Variants in SNCB observed in about 807,000 individuals in gnomAD.
SNCB encodes synuclein beta.
In SNCB, 8 loss-of-function variants were observed where a neutral mutation model predicts 20.0. The observed-to-expected ratio is 0.40, with a 90% CI of 0.24 to 0.72. SNCB has a LOEUF of 0.72. Among genes scored for constraint, SNCB ranks in the 30% least tolerant of loss-of-function variants. The probability of loss-of-function intolerance (pLI) is 0.37; values close to 1 mark genes in which losing one functional copy is unlikely to be tolerated. For missense variants in SNCB, 125 were observed against 168.0 expected, an observed-to-expected ratio of 0.74 and a Z score of 1.41; for synonymous variants, 56 against 65.4, an observed-to-expected ratio of 0.86 and a Z score of 0.69.
chr5:176,620,975 G>A lies in SNCB; in HGVS notation c.373-132C>T, dbSNP rs2113372548. On this transcript the variant is annotated intron_variant, in intron 5 of 5. Transcript: ENST00000393693. The surrounding 1 kb of genome is among the most constrained non-coding windows in gnomAD (Gnocchi z 4.5). ...AGCACATTCCCCTTTTCCTGGGCAGGGGAGGAGCCTGGAAGTTGGGGACAA... is the reference window on the plus strand; with the variant it reads ...AGCACATTCCCCTTTTCCTGGGCAGAGGAGGAGCCTGGAAGTTGGGGACAA... 4.6e-6 allele frequency: 4 copies of A among 877,848 alleles called. No homozygotes were observed. Among genetic ancestry groups the A allele is most frequent in the Non-Finnish European group, 5.7e-6 (3 of 529,108 alleles). The allele number at this position is 877,848 out of a possible 1,614,324, so 54.4% of individuals were successfully genotyped here. A position where few individuals can be genotyped will look rare whatever the true frequency, so the allele number is the denominator to read the frequency against.
rs139751020 is a variant in SNCB at position 176,620,823 on chromosome 5, C to G, written c.393G>C (p.Glu131Asp). Residue 131 changes from glutamate to aspartate, a missense_variant, in exon 6 of 6, where the codon GAG (glutamate) becomes GAC (aspartate). Coordinates refer to ENST00000393693, the MANE Select transcript of SNCB (RefSeq NM_003085.5). The surrounding 1 kb of genome is among the most constrained non-coding windows in gnomAD (Gnocchi z 4.5). The part of the protein sequence containing the change: ...DPPQEEYQEY[E>D]PEA Reference sequence around the variant, plus strand: ...CTCTCCTGGGCCCCTACGCCTCTGGCTCATACTCCTGATATTCCTCCTGCA... The same window carrying G: ...CTCTCCTGGGCCCCTACGCCTCTGGGTCATACTCCTGATATTCCTCCTGCA... The G allele has an allele frequency of 6.2e-7, 1 of 1,613,914 alleles. No individual in the cohort carries two copies. The highest frequency in any genetic ancestry group is 8.5e-7 in the Non-Finnish European group (1 of 1,179,842).
rs1801347 is a variant in SNCB at position 176,620,438 on chromosome 5, G to A, written c.*373C>T. On this transcript the variant is annotated 3_prime_UTR_variant, in exon 6 of 6. Transcript: ENST00000393693. This position sits in a 1 kb window ranked among gnomAD's most constrained non-coding sequence, Gnocchi z 4.5. Reference sequence around the variant, plus strand: ...GAGGTTAATGGGAGTCGGGCGGGGTGCTCTGGGGCTGCCCGGGGGCCGCTT... The same window carrying A: ...GAGGTTAATGGGAGTCGGGCGGGGTACTCTGGGGCTGCCCGGGGGCCGCTT... 1 of 314,020 alleles carries A rather than the reference G, an allele frequency of 3.2e-6. No individual in the cohort carries two copies. The highest frequency in any genetic ancestry group is 6.0e-6 in the Non-Finnish European group (1 of 167,788). The allele number at this position is 314,020 out of a possible 1,614,324, so 19.5% of individuals were successfully genotyped here. A position where few individuals can be genotyped will look rare whatever the true frequency, so the allele number is the denominator to read the frequency against.
rs1230187178 is a variant in SNCB, at chr5:176,620,841, C to G, written c.375G>C (p.Glu125Asp). ...EGESYEDPPQ[E>D]EYQEYEPEA The stretch of plus-strand genomic sequence containing the variant: ...CCTCTGGCTCATACTCCTGATATTC[C>G]TCCTGCATCACCGGGATGGGGGTGG... The change falls in exon 6 of 6, where the codon GAG becomes GAC. Residue 125 changes from glutamate to aspartate, a missense_variant and splice_region_variant. Glu to Asp is a conservative substitution (Grantham distance 45, BLOSUM62 2). Transcript: ENST00000393693. The surrounding 1 kb of genome is among the most constrained non-coding windows in gnomAD (Gnocchi z 4.5). 6.2e-7 allele frequency: 1 copy of G among 1,613,876 alleles called. No homozygotes were observed.
In SNCB at chr5:176,626,420, T is replaced by C; in HGVS notation, c.260A>G (p.Glu87Gly). 6.2e-7 allele frequency: 1 copy of C among 1,612,242 alleles called. No homozygotes were observed. Among genetic ancestry groups the C allele is most frequent in the Non-Finnish European group, 8.5e-7 (1 of 1,178,546 alleles). ...IAAATGLVKR[E>G]EFPTDLKPEE... is the part of the protein sequence containing the mutation. Reference sequence around the variant, plus strand: ...TACCTTCAGATCAGTAGGGAATTCCTCCCTCTTCACCAGTCCTGTGGCTGC... The same window carrying C: ...TACCTTCAGATCAGTAGGGAATTCCCCCCTCTTCACCAGTCCTGTGGCTGC... The change falls in exon 4 of 6, where the codon GAG becomes GGG. Residue 87 changes from glutamate to glycine, a missense_variant. Transcript: ENST00000393693. This position sits in a 1 kb window ranked among gnomAD's most constrained non-coding sequence, Gnocchi z 4.2.
rs537276299 is a variant in SNCB at position 176,626,008 on chromosome 5, C to T, written c.282+390G>A. Among the ~76,000 whole-genome samples the T allele has an allele frequency of 2.6e-5, 4 of 152,296 alleles. No homozygotes were observed. The highest frequency in any genetic ancestry group is 2.1e-4 in the South Asian group (1 of 4,826). On this transcript the variant is annotated intron_variant, in intron 4 of 5. Transcript: ENST00000393693. This position sits in a 1 kb window ranked among gnomAD's most constrained non-coding sequence, Gnocchi z 4.2. ...CCCACTACAATGTCAGCTGCAGGAA[C>T]GTAGGAACCTATTCACTGCGGCAGC...
chr5:176,629,378 GGGCT>G lies in SNCB; in HGVS notation c.121+152_121+155del. 6 of 756,282 alleles carry G rather than the reference GGGCT, an allele frequency of 7.9e-6. 1 individual carries two copies. The South Asian group carries it at 1.1e-4, about 14-fold the overall frequency. The allele number at this position is 756,282 out of a possible 1,614,324, so 46.8% of individuals were successfully genotyped here. A position where few individuals can be genotyped will look rare whatever the true frequency, so the allele number is the denominator to read the frequency against. On this transcript the variant is annotated intron_variant, in intron 2 of 5. Transcript: ENST00000393693. This position sits in a 1 kb window ranked among gnomAD's most constrained non-coding sequence, Gnocchi z 4.1. ...TCCGGATACAGACCCAGGCTTCTAT[GGGCT>G]GGCTATGTCCCCTATGACCCCTGCT...
intron 2 of SNCB, among the ~76,000 whole-genome samples, chr5:176,627,588 G>A (rs769254890): frequency 1.3e-5 from 2 of 152,122 alleles, no homozygotes; most frequent in African/African-American, 2.4e-5. Flanking sequence ...GGAGTATCCC[G>A]TCTGACAATT....
chr5:176,621,170 A>G lies in SNCB; in HGVS notation c.372+44T>C. The G allele has an allele frequency of 6.7e-7, 1 of 1,482,410 alleles. No individual in the cohort carries two copies. The highest frequency in any genetic ancestry group is 9.3e-7 in the Non-Finnish European group (1 of 1,070,172). 91.8% of individuals were successfully genotyped at this position (1,482,410 alleles called of 1,614,324 possible). ...ACCCCAGCTAGGGACGGCAGCAATC[A>G]TCCTGGATTCCCAAAGTCCCGCCCA... On this transcript the variant is annotated intron_variant, in intron 5 of 5. Coordinates refer to ENST00000393693, the MANE Select transcript of SNCB (RefSeq NM_003085.5). The surrounding 1 kb of genome is among the most constrained non-coding windows in gnomAD (Gnocchi z 4.1).
intron 4 of SNCB, among the ~76,000 whole-genome samples, chr5:176,625,483 A>G (rs1391625372): frequency 6.6e-6 from 1 of 152,232 alleles, no homozygotes; most frequent in Non-Finnish European, 1.5e-5. Context: ...GCATTTTACA[A>G]GTGAACTATC....
At chr5:176,627,804 C>T (rs1760069705) in intron 2 of SNCB, among the ~76,000 whole-genome samples, 1 of 152,234 alleles carries the variant, frequency 6.6e-6, no homozygotes, top group South Asian at 2.1e-4. Flanking sequence ...TGTGCCAGGC[C>T]CTGGGCCAAT....
rs2113377868 is a variant in SNCB at position 176,621,993 on chromosome 5, C to T, written c.283-690G>A. On this transcript the variant is annotated intron_variant, in intron 4 of 5. Transcript: ENST00000393693. This position sits in a 1 kb window ranked among gnomAD's most constrained non-coding sequence, Gnocchi z 4.1. ...AACATGGGACTGAGCTGGCTGCACA[C>T]ACAAGCACACGCGATAGCTTAGGAT... Among the ~76,000 whole-genome samples the T allele has an allele frequency of 6.6e-6, 1 of 152,384 alleles. No homozygotes were observed. Among genetic ancestry groups the T allele is most frequent in the Admixed American group, 6.5e-5 (1 of 15,312 alleles).
chr5:176,625,296 G>C (rs1759872627), intron 4 of SNCB, among the ~76,000 whole-genome samples: 2 of 152,240 alleles, frequency 1.3e-5, no homozygotes, highest in African/African-American at 4.8e-5. Context: ...CCTCACCCGG[G>C]TACTTGTTAG....
chr5:176,626,570 ATGCCCTGCCTTGTAGTATCCCAGGGCC>A lies in SNCB; in HGVS notation c.164-81_164-55del. 6.5e-7 allele frequency: 1 copy of A among 1,528,548 alleles called. No individual in the cohort carries two copies. The highest frequency in any genetic ancestry group is 9.1e-7 in the Non-Finnish European group (1 of 1,102,106). 94.7% of individuals were successfully genotyped at this position (1,528,548 alleles called of 1,614,324 possible). Reference sequence around the variant, plus strand: ...GTTTGGGAGCCAGGGGGAAACACCGATGCCCTGCCTTGTAGTATCCCAGGGCCTGCCCTCCCCACGGAGCATTCCCGC... The same window carrying A: ...GTTTGGGAGCCAGGGGGAAACACCGATGCCCTCCCCACGGAGCATTCCCGC... On this transcript the variant is annotated intron_variant, in intron 3 of 5. Transcript: ENST00000393693. The surrounding 1 kb of genome is among the most constrained non-coding windows in gnomAD (Gnocchi z 4.2).
rs1294046972 is a variant in SNCB at position 176,626,099 on chromosome 5, G to T, written c.282+299C>A. Among the ~76,000 whole-genome samples the T allele has an allele frequency of 6.6e-6, 1 of 152,140 alleles. No homozygotes were observed. Among genetic ancestry groups the T allele is most frequent in the Non-Finnish European group, 1.5e-5 (1 of 68,028 alleles). ...GAAAAGAAATGAATGAACAATCATTGACACATGCAGACGTGGCCAGAAGTC... is the reference window on the plus strand; with the variant it reads ...GAAAAGAAATGAATGAACAATCATTTACACATGCAGACGTGGCCAGAAGTC... On this transcript the variant is annotated intron_variant, in intron 4 of 5. Transcript: ENST00000393693. The surrounding 1 kb of genome is among the most constrained non-coding windows in gnomAD (Gnocchi z 4.2).
At chr5:176,627,788 C>T (rs771661494) in intron 2 of SNCB, among the ~76,000 whole-genome samples, 21 of 152,354 alleles carry the variant, frequency 1.4e-4, no homozygotes, top group Non-Finnish European at 2.5e-4. Flanking sequence ...CAGCTTCCAC[C>T]TACTCTGTGC....
At chr5:176,627,657 GC>G (rs1203822542) in intron 2 of SNCB, among the ~76,000 whole-genome samples, 1 of 136,832 alleles carries the variant, frequency 7.3e-6, no homozygotes, top group East Asian at 5.0e-4. Context: ...ACTGAGCCCG[GC>G]GGGGGGGTGG....
chr5:176,629,122 T>C lies in SNCB; in HGVS notation c.121+412A>G, dbSNP rs563084932. 3.9e-5 allele frequency among the ~76,000 whole-genome samples: 6 copies of C among 152,306 alleles called. No individual in the cohort carries two copies. In the South Asian group the frequency reaches 1.0e-3, roughly 26 times the overall value. ...ACCTTGGGCAAGGTACTTAGATCTC[T>C]GGGAAGCCCAGTTTCCCTTACCTGT... is the stretch of plus-strand genomic sequence containing the variant. On this transcript the variant is annotated intron_variant, in intron 2 of 5. Coordinates refer to ENST00000393693, the MANE Select transcript of SNCB (RefSeq NM_003085.5). The surrounding 1 kb of genome is among the most constrained non-coding windows in gnomAD (Gnocchi z 4.1).
In SNCB at chr5:176,620,939, G is replaced by T; in HGVS notation, c.373-96C>A. On this transcript the variant is annotated intron_variant, in intron 5 of 5. Coordinates refer to ENST00000393693, the MANE Select transcript of SNCB (RefSeq NM_003085.5). The surrounding 1 kb of genome is among the most constrained non-coding windows in gnomAD (Gnocchi z 4.5). ...GCCCCGGCCCAAGAACCCTCTCCCT[G>T]AAGGAGGAATAGCACATTCCCCTTT... 9.2e-7 allele frequency: 1 copy of T among 1,087,964 alleles called. No individual in the cohort carries two copies. The highest frequency in any genetic ancestry group is 1.4e-6 in the Non-Finnish European group (1 of 703,466). 67.4% of individuals were successfully genotyped at this position (1,087,964 alleles called of 1,614,324 possible).
chr5:176,629,868 G>A lies in SNCB; in HGVS notation c.-9-205C>T. ...GAGTCCTAGCGTCCTTGAAACCTGGGGACGCGGGAGGGGCCACTGCCTCGG... is the reference window on the plus strand; with the variant it reads ...GAGTCCTAGCGTCCTTGAAACCTGGAGACGCGGGAGGGGCCACTGCCTCGG... On this transcript the variant is annotated intron_variant, in intron 1 of 5. Coordinates refer to ENST00000393693, the MANE Select transcript of SNCB (RefSeq NM_003085.5). This position sits in a 1 kb window ranked among gnomAD's most constrained non-coding sequence, Gnocchi z 4.1. 1.6e-6 allele frequency: 1 copy of A among 611,640 alleles called. No homozygotes were observed. The highest frequency in any genetic ancestry group is 2.6e-6 in the Non-Finnish European group (1 of 380,682). 37.9% of individuals were successfully genotyped at this position (611,640 alleles called of 1,614,324 possible).
Sources: gnomAD v4.1 joint callset for allele counts (sites outside exome capture counted in the v4.1 genomes callset) on GRCh38, gnomAD v4.1.1 for gene constraint, Gnocchi (gnomAD v3.1) non-coding constraint, MANE v1.5 for transcripts, NCBI Gene and HGNC (gene_info 2026-07-23, HGNC 2026-07-21) for gene names.